The following FAM193B variants were observed in gnomAD, a reference collection of about 807,000 sequenced individuals.
FAM193B encodes protein FAM193B.
FAM193B carries 27 observed loss-of-function variants against 70.7 expected under a neutral mutation model. The observed-to-expected ratio is 0.38, with a 90% CI of 0.28 to 0.53. The LOEUF is 0.53. Among genes scored for constraint, FAM193B ranks in the 20% least tolerant of loss-of-function variants. The pLI is 0.81. For missense variants in FAM193B, 1,022 were observed against 1,072.5 expected (o/e 0.95, Z 0.66); for synonymous variants, 448 against 436.0 (o/e 1.03, Z -0.34).
intron 5 of FAM193B, among the ~76,000 whole-genome samples, chr5:177,529,274 G>A: frequency 6.6e-6 from 1 of 151,536 alleles, no homozygotes; most frequent in South Asian, 2.1e-4. Context: ...CGGGCTGGCA[G>A]TGGGAGAAGG....
rs776121353 is a variant in FAM193B at position 177,524,469 on chromosome 5, GGGCCAGCGACCT to G, written c.2000_2011del (p.Gln667_Gly670del). On this transcript the variant is annotated inframe_deletion, in exon 6 of 9. Coordinates refer to ENST00000514747, the MANE Select transcript of FAM193B (RefSeq NM_001190946.3). ...CTCTAGGACCCTGCCTGGCTGCTTGGGGCCAGCGACCTGGCCCTTGGCACTGGGAACCTCTAG... is the reference window on the plus strand; with the variant it reads ...CTCTAGGACCCTGCCTGGCTGCTTGGGGCCCTTGGCACTGGGAACCTCTAG... 6.1e-5 allele frequency: 98 copies of G among 1,612,102 alleles called. 2 individuals are homozygous for G. The highest frequency in any genetic ancestry group is 8.1e-5 in the Non-Finnish European group (96 of 1,179,384).
chr5:177,542,445 TA>T (rs1764962140), intron 1 of FAM193B, among the ~76,000 whole-genome samples: 1 of 152,256 alleles, frequency 6.6e-6, no homozygotes, highest in Admixed American at 6.5e-5. Flanking sequence ...TATTCATCAT[TA>T]ACACGACAGG....
intron 4 of FAM193B, among the ~76,000 whole-genome samples, chr5:177,535,025 A>G (rs956214936): frequency 1.3e-5 from 2 of 152,222 alleles, no homozygotes; most frequent in Admixed American, 6.5e-5. Context: ...CAGTTTTTCA[A>G]TGTGTATTAA....
intron 5 of FAM193B, among the ~76,000 whole-genome samples, chr5:177,526,455 G>A (rs1276416407): frequency 6.6e-6 from 1 of 152,026 alleles, no homozygotes; most frequent in Non-Finnish European, 1.5e-5. Context: ...GAGGCCCTGG[G>A]TTGGACCAAC....
chr5:177,550,713 C>G (rs906174307), intron 1 of FAM193B, among the ~76,000 whole-genome samples: 1 of 152,222 alleles, frequency 6.6e-6, no homozygotes, highest in African/African-American at 2.4e-5. Context: ...GCTAGCAGAG[C>G]TAACAGGCCA....
intron 5 of FAM193B, chr5:177,531,640 C>T: frequency 1.1e-6 from 1 of 895,880 alleles, no homozygotes; most frequent in Non-Finnish European, 1.5e-6. Context: ...CTACCATTAG[C>T]CACCAAGGCC....
In FAM193B at chr5:177,532,353, G is replaced by C. The variant is rs1763605885; in HGVS notation, c.1275+90C>G. 1 of 1,514,584 alleles carries C rather than the reference G, an allele frequency of 6.6e-7. No homozygotes were observed. The highest frequency in any genetic ancestry group is 2.4e-5 in the East Asian group (1 of 40,926). The allele number at this position is 1,514,584 out of a possible 1,614,324, so 93.8% of individuals were successfully genotyped here. A position where few individuals can be genotyped will look rare whatever the true frequency, so the allele number is the denominator to read the frequency against. On this transcript the variant is annotated intron_variant, in intron 5 of 8. Coordinates refer to ENST00000514747, the MANE Select transcript of FAM193B (RefSeq NM_001190946.3). The surrounding 1 kb of genome is among the most constrained non-coding windows in gnomAD (Gnocchi z 4.9). ...GCCCCAGCACGGTAATTACCACCGT[G>C]AGCAACGGGGTCTCTGGGGAGAGCA...
intron 1 of FAM193B, among the ~76,000 whole-genome samples, chr5:177,542,373 GAAAT>G (rs1764955240): frequency 6.6e-6 from 1 of 152,222 alleles, no homozygotes; most frequent in South Asian, 2.1e-4. Context: ...TCAGCTGTGA[GAAAT>G]AAATGTGACA....
Position 177,524,669 on chromosome 5 carries a change from C to T in FAM193B, c.1812G>A (p.Pro604=), listed in dbSNP as rs370392279. 3.6e-4 allele frequency: 579 copies of T among 1,611,438 alleles called. No individual in the cohort carries two copies. Among genetic ancestry groups the T allele is most frequent in the Non-Finnish European group, 4.6e-4 (547 of 1,179,062 alleles). Residue 604 remains proline, a synonymous_variant, in exon 6 of 9, where the codon CCG becomes CCA. Transcript: ENST00000514747. ...SRVIWVKTPK[P]GYPSSEEPSS... ...TTGGCTCCTCGGAGCTGGGGTAGCC[C>T]GGCTTGGGTGTCTTGACCCAGATCA...
chr5:177,523,714 C>T (rs1762122237), intron 7 of FAM193B, among the ~76,000 whole-genome samples: 2 of 152,244 alleles, frequency 1.3e-5, no homozygotes, highest in South Asian at 2.1e-4. Flanking sequence ...AGCCCTGGTT[C>T]TTGGGGCCTG....
Position 177,554,454 on chromosome 5 carries a change from G to C in FAM193B, c.5C>G (p.Thr2Arg). 2.0e-6 allele frequency: 2 copies of C among 1,025,472 alleles called. No individual in the cohort carries two copies. The highest frequency in any genetic ancestry group is 2.3e-6 in the Non-Finnish European group (2 of 864,276). The allele number at this position is 1,025,472 out of a possible 1,614,324, so 63.5% of individuals were successfully genotyped here. M[T>R]RRRSRPSGGA... is the part of the protein sequence containing the mutation. ...GCCGCTCGGCCTGCTCCGCCTCCGC[G>C]TCATGCCGCCGCTCGCGCCGCTCCC... The change falls in exon 1 of 9, where the codon ACG becomes AGG. Residue 2 changes from threonine (T) to arginine (R), a missense_variant. Transcript: ENST00000514747.
At chr5:177,545,877 C>G (rs1018737389) in intron 1 of FAM193B, among the ~76,000 whole-genome samples, 1 of 152,080 alleles carries the variant, frequency 6.6e-6, no homozygotes, top group African/African-American at 2.4e-5. Flanking sequence ...AGGATTGCCC[C>G]AAGACACATG....
chr5:177,541,917 T>C (rs1251821976), intron 1 of FAM193B, among the ~76,000 whole-genome samples: 2 of 152,232 alleles, frequency 1.3e-5, no homozygotes, highest in Non-Finnish European at 2.9e-5. Flanking sequence ...ACAGTGTAAA[T>C]GCTATGTAAA....
intron 1 of FAM193B, among the ~76,000 whole-genome samples, chr5:177,540,856 G>A (rs765254558): frequency 6.6e-6 from 1 of 152,280 alleles, no homozygotes; most frequent in Non-Finnish European, 1.5e-5. Flanking sequence ...GGAATAATAA[G>A]GGTATCACCC....
At chr5:177,526,792 G>T (rs999992335) in intron 5 of FAM193B, among the ~76,000 whole-genome samples, 2 of 152,210 alleles carry the variant, frequency 1.3e-5, no homozygotes, top group African/African-American at 4.8e-5. Flanking sequence ...ATACACCCAG[G>T]CCTGATCTTC....
At position 177,543,241 on chromosome 5, in the gene FAM193B, C is replaced by T. The variant is rs1001931770; in HGVS notation, c.211-4094G>A. Reference sequence around the variant, plus strand: ...GTCTTCCTAGTTAAAGCAAGAAACACAGGGCCTGAAAAGCTAATTAAGCTC... The same window carrying T: ...GTCTTCCTAGTTAAAGCAAGAAACATAGGGCCTGAAAAGCTAATTAAGCTC... On this transcript the variant is annotated intron_variant, in intron 1 of 8. Transcript: ENST00000514747. Among the ~76,000 whole-genome samples, 124 of 152,294 alleles carry T rather than the reference C, an allele frequency of 8.1e-4. 1 individual carries two copies. Among genetic ancestry groups the T allele is most frequent in the African/African-American group, 2.8e-3 (116 of 41,560 alleles).
intron 5 of FAM193B, chr5:177,531,603 T>A: frequency 9.0e-7 from 1 of 1,105,796 alleles, no homozygotes; most frequent in Non-Finnish European, 1.2e-6. Flanking sequence ...ACCAAGTATG[T>A]GATGAGAAGC....
rs553320143 is a variant in FAM193B at position 177,548,409 on chromosome 5, T to C, written c.210+5840A>G. 2.0e-5 allele frequency among the ~76,000 whole-genome samples: 3 copies of C among 152,322 alleles called. No individual in the cohort carries two copies. The South Asian group carries it at 6.2e-4, about 32-fold the overall frequency. On this transcript the variant is annotated intron_variant, in intron 1 of 8. Transcript: ENST00000514747. ...ATTATACACAATGGAAGTTGGCAAA[T>C]ATCATTAATAGATCAGAACTGGGGG...
intron 1 of FAM193B, among the ~76,000 whole-genome samples, chr5:177,548,950 C>CAA (rs1765817851): frequency 6.6e-6 from 1 of 152,220 alleles, no homozygotes; most frequent in Non-Finnish European, 1.5e-5. Flanking sequence ...CGCCCTGGGT[C>CAA]TTTGTACAAG....
Sources: gnomAD v4.1 joint callset for allele counts (sites outside exome capture counted in the v4.1 genomes callset) on GRCh38, gnomAD v4.1.1 for gene constraint, Gnocchi (gnomAD v3.1) non-coding constraint, MANE v1.5 for transcripts, NCBI Gene and HGNC (gene_info 2026-07-23, HGNC 2026-07-21) for gene names.